Variants in GSG1L observed in about 807,000 individuals in gnomAD.
GSG1L encodes the protein germ cell-specific gene 1-like protein.
Under a neutral mutation model 42.1 loss-of-function variants are expected in GSG1L, and 24 were observed. The observed-to-expected ratio is 0.57, with a 90% confidence interval of 0.41 to 0.80. The LOEUF (loss-of-function observed/expected upper bound fraction) is 0.80, where lower values mean the gene tolerates loss of function less well. GSG1L is among the 30% of genes least tolerant of loss of function. GSG1L has a pLI of 0.00. For synonymous variants in GSG1L, 215 were observed against 203.5 expected, an observed-to-expected ratio of 1.06 and a Z score of -0.48; for missense variants, 445 against 472.2, an observed-to-expected ratio of 0.94 and a Z score of 0.53.
At chr16:27,823,200 G>A (rs938452057) in intron 5 of GSG1L, among the ~76,000 whole-genome samples, 2 of 152,154 alleles carry the variant, frequency 1.3e-5, no homozygotes, top group Admixed American at 6.5e-5. Context: ...GGTGACGCTG[G>A]GAGGGTTTAA....
At chr16:28,048,662 A>G (rs1050742092) in intron 1 of GSG1L, among the ~76,000 whole-genome samples, 3 of 152,238 alleles carry the variant, frequency 2.0e-5, no homozygotes, top group African/African-American at 7.2e-5. Flanking sequence ...GTCATTGCAT[A>G]ATTTTTAGAA....
At chr16:27,967,253 A>AT (rs1463199570) in intron 1 of GSG1L, among the ~76,000 whole-genome samples, 1 of 152,230 alleles carries the variant, frequency 6.6e-6, no homozygotes, top group Non-Finnish European at 1.5e-5. Context: ...TGCCAGCCCC[A>AT]TATCAATGCA....
At chr16:27,918,384 G>A (rs114846064) in intron 2 of GSG1L, among the ~76,000 whole-genome samples, 3,889 of 152,262 alleles carry the variant, frequency 0.026, 174 homozygotes, top group African/African-American at 0.088. Context: ...AGGGCCTGGC[G>A]TGGTGGCTCA....
intron 3 of GSG1L, among the ~76,000 whole-genome samples, chr16:27,869,098 G>A (rs961383286): frequency 1.3e-5 from 2 of 152,216 alleles, no homozygotes; most frequent in African/African-American, 4.8e-5. Context: ...GGGGCCTCCC[G>A]TCCTCCCAGA....
At chr16:27,856,274 T>G (rs2083576952) in intron 3 of GSG1L, among the ~76,000 whole-genome samples, 1 of 152,212 alleles carries the variant, frequency 6.6e-6, no homozygotes, top group South Asian at 2.1e-4. Context: ...AATCCCCCAT[T>G]GAATCCACTG....
intron 1 of GSG1L, among the ~76,000 whole-genome samples, chr16:28,008,462 G>T (rs1432562248): frequency 2.0e-5 from 3 of 152,200 alleles, no homozygotes; most frequent in Non-Finnish European, 4.4e-5. Flanking sequence ...GTTAAGAGGG[G>T]TCCAGCATGA....
intron 3 of GSG1L, among the ~76,000 whole-genome samples, chr16:27,845,463 T>G (rs1489452497): frequency 6.6e-6 from 1 of 152,178 alleles, no homozygotes; most frequent in East Asian, 1.9e-4. Context: ...CTCAAACTCC[T>G]GGGATCAAAC....
chr16:27,877,014 A>G (rs2083896458), intron 3 of GSG1L, among the ~76,000 whole-genome samples: 1 of 152,124 alleles, frequency 6.6e-6, no homozygotes, highest in East Asian at 1.9e-4. Context: ...AATTTTCCGA[A>G]CGACTTTCTC....
intron 6 of GSG1L, among the ~76,000 whole-genome samples, chr16:27,791,967 C>T (rs557250682): frequency 6.6e-6 from 1 of 152,158 alleles, no homozygotes; most frequent in East Asian, 1.9e-4. Flanking sequence ...ACGACAGCAC[C>T]CCCTGCAGTC....
At chr16:27,960,964 G>T (rs74015179) in intron 2 of GSG1L, among the ~76,000 whole-genome samples, 4,022 of 152,058 alleles carry the variant, frequency 0.026, 172 homozygotes, top group African/African-American at 0.092. Flanking sequence ...TCTTGTAAAA[G>T]AAGCAAAATA....
chr16:27,865,572 TACACACAC>T (rs369021478), intron 3 of GSG1L, among the ~76,000 whole-genome samples: 7 of 21,544 alleles, frequency 3.2e-4, no homozygotes, highest in African/African-American at 1.1e-3. Context: ...TATATATATA[TACACACAC>T]ACATACATAC....
chr16:27,812,456 G>A (rs2083042968), intron 5 of GSG1L, among the ~76,000 whole-genome samples: 1 of 152,220 alleles, frequency 6.6e-6, no homozygotes. Flanking sequence ...CTCTGCCCCT[G>A]CCGTGAAAGC....
intron 2 of GSG1L, among the ~76,000 whole-genome samples, chr16:27,927,778 G>A (rs1250656825): frequency 2.0e-5 from 3 of 152,134 alleles, no homozygotes; most frequent in Admixed American, 2.0e-4. Flanking sequence ...TTCAGACCAT[G>A]CTTCTTAACC....
At chr16:27,964,026 T>G (rs2085100719) in intron 1 of GSG1L, among the ~76,000 whole-genome samples, 1 of 152,176 alleles carries the variant, frequency 6.6e-6, no homozygotes, top group African/African-American at 2.4e-5. Flanking sequence ...TTATACTTTT[T>G]TTAATGTTAC....
chr16:27,895,435 T>C (rs535964742), intron 2 of GSG1L, among the ~76,000 whole-genome samples: 4 of 152,324 alleles, frequency 2.6e-5, no homozygotes, highest in Non-Finnish European at 5.9e-5. Flanking sequence ...CAGTCATTTC[T>C]ATCTCCGATA....
At chr16:27,842,697 T>C (rs1447751643) in intron 4 of GSG1L, among the ~76,000 whole-genome samples, 3 of 152,044 alleles carry the variant, frequency 2.0e-5, no homozygotes, top group Non-Finnish European at 4.4e-5. Flanking sequence ...TGGGTCAAGG[T>C]CCCTTTAAGG....
chr16:28,035,383 T>G (rs1195104577), intron 1 of GSG1L, among the ~76,000 whole-genome samples: 2 of 152,120 alleles, frequency 1.3e-5, no homozygotes, highest in African/African-American at 4.8e-5. Context: ...ATAAAATAGG[T>G]GAGGATCTTT....
intron 1 of GSG1L, among the ~76,000 whole-genome samples, chr16:27,972,718 C>CTGTG (rs1248584471): frequency 6.6e-6 from 1 of 152,148 alleles, no homozygotes; most frequent in Admixed American, 6.5e-5. Context: ...TGATTCTTAA[C>CTGTG]CCCGGAAATG....
intron 2 of GSG1L, among the ~76,000 whole-genome samples, chr16:27,936,202 G>A (rs1361250271): frequency 6.6e-6 from 1 of 152,076 alleles, no homozygotes; most frequent in Non-Finnish European, 1.5e-5. Context: ...CACTTTACAA[G>A]GAAGGGGACT....
Sources: gnomAD v4.1 joint callset for allele counts (sites outside exome capture counted in the v4.1 genomes callset) on GRCh38, gnomAD v4.1.1 for gene constraint, MANE v1.5 for transcripts, NCBI Gene and HGNC (gene_info 2026-07-23, HGNC 2026-07-21) for gene names.